The following SLC9C1 variants were observed in gnomAD, a reference collection of about 807,000 sequenced individuals.
The protein encoded by SLC9C1 is solute carrier family 9 member C1, also known as sodium/hydrogen exchanger 10.
SLC9C1 carries 97 observed loss-of-function variants against 140.9 expected under a neutral mutation model. The observed-to-expected ratio is 0.69, with a 90% CI of 0.58 to 0.82. The LOEUF (loss-of-function observed/expected upper bound fraction) is 0.82. SLC9C1 is among the 40% of genes least tolerant of loss of function. The pLI, the probability that SLC9C1 is intolerant of heterozygous loss-of-function variation, is 0.00. For missense variants in SLC9C1, 1,340 were observed against 1,389.3 expected, an observed-to-expected ratio of 0.96 and a Z score of 0.56; for synonymous variants, 440 against 442.6, an observed-to-expected ratio of 0.99 and a Z score of 0.07.
rs532285836 is a variant in SLC9C1 at position 112,217,937 on chromosome 3, A to C, written c.1671-376T>G. ...CTCATTAACTTGCTTGCTAATCTAC[A>C]AAATAAGGATAAAAATACCAATGTT... On this transcript the variant is annotated intron_variant, in intron 14 of 28. Coordinates refer to ENST00000305815, the MANE Select transcript of SLC9C1 (RefSeq NM_183061.3). 2.0e-5 allele frequency among the ~76,000 whole-genome samples: 3 copies of C among 152,342 alleles called. No homozygotes were observed. The South Asian group carries it at 6.2e-4, about 32-fold the overall frequency.
At chr3:112,190,706 A>G (rs2077640942) in intron 20 of SLC9C1, among the ~76,000 whole-genome samples, 3 of 151,788 alleles carry the variant, frequency 2.0e-5, no homozygotes, top group Non-Finnish European at 2.9e-5. Flanking sequence ...AATTTTGTTT[A>G]TATATCTGTG....
At chr3:112,198,766 T>G (rs2077828927) in intron 20 of SLC9C1, among the ~76,000 whole-genome samples, 1 of 152,014 alleles carries the variant, frequency 6.6e-6, no homozygotes, top group Non-Finnish European at 1.5e-5. Context: ...AGTTCACTAC[T>G]ATTATGCTAA....
chr3:112,252,738 C>T (rs1311580107), intron 10 of SLC9C1, among the ~76,000 whole-genome samples: 2 of 152,066 alleles, frequency 1.3e-5, no homozygotes, highest in Non-Finnish European at 2.9e-5. Context: ...TTTAGAGAGT[C>T]AAGGTGACCA....
chr3:112,157,748 A>G (rs2075168297), intron 26 of SLC9C1, among the ~76,000 whole-genome samples: 1 of 114,892 alleles, frequency 8.7e-6, no homozygotes, highest in Non-Finnish European at 1.9e-5. Flanking sequence ...TCTTAAGTTA[A>G]ATTTATTCCT....
chr3:112,157,013 G>GC (rs922203953), intron 26 of SLC9C1, among the ~76,000 whole-genome samples: 1 of 152,072 alleles, frequency 6.6e-6, no homozygotes, highest in Non-Finnish European at 1.5e-5. Context: ...TTGTGCAGAA[G>GC]CTTTTTAGCT....
At chr3:112,178,203 A>G (rs1315009274) in intron 23 of SLC9C1, among the ~76,000 whole-genome samples, 3 of 151,976 alleles carry the variant, frequency 2.0e-5, no homozygotes, top group African/African-American at 7.2e-5. Context: ...CAGTGGTGCA[A>G]TCATGACTGA....
chr3:112,188,129 C>G (rs1008449836), intron 20 of SLC9C1, among the ~76,000 whole-genome samples: 7 of 152,230 alleles, frequency 4.6e-5, no homozygotes, highest in African/African-American at 1.7e-4. Context: ...GACATATAGG[C>G]TGTTTATAAT....
Position 112,179,539 on chromosome 3 carries a change from C to T in SLC9C1, c.2911G>A (p.Val971Ile). 2 of 1,602,166 alleles carry T rather than the reference C, an allele frequency of 1.2e-6. No homozygotes were observed. The highest frequency in any genetic ancestry group is 2.3e-5 in the East Asian group (1 of 44,368). The change falls in exon 23 of 29, where the codon GTA becomes ATA. Residue 971 changes from valine to isoleucine, a missense_variant. Val to Ile is a conservative substitution (Grantham distance 29). Transcript: ENST00000305815. Reference protein sequence around the residue: ...PMKYSATCKTVVETCFIPKTH... With the variant: ...PMKYSATCKTIVETCFIPKTH... ...GGCGAAGTTTTTCTGACCTCCACTA[C>T]AGTTTTGCAGGTGGCAGAATATTTC...
intron 15 of SLC9C1, among the ~76,000 whole-genome samples, chr3:112,214,218 G>T (rs573086643): frequency 2.0e-5 from 3 of 152,292 alleles, no homozygotes; most frequent in Admixed American, 2.0e-4. Context: ...AGTGTGTAGA[G>T]GGAAATTTGT....
At chr3:112,265,122 AAGT>A (rs1241892844) in intron 8 of SLC9C1, among the ~76,000 whole-genome samples, 1 of 152,042 alleles carries the variant, frequency 6.6e-6, no homozygotes, top group Non-Finnish European at 1.5e-5. Context: ...TCTTTTAAGG[AAGT>A]AGGAGATAGA....
chr3:112,177,618 G>A (rs1366264729), intron 23 of SLC9C1, among the ~76,000 whole-genome samples: 1 of 147,594 alleles, frequency 6.8e-6, no homozygotes, highest in Admixed American at 6.9e-5. Context: ...CTTACCTTGT[G>A]AGTTTCTCAT....
At chr3:112,272,094 G>T (rs13059342) in intron 6 of SLC9C1, among the ~76,000 whole-genome samples, 45,014 of 152,006 alleles carry the variant, frequency 0.3, 7,233 homozygotes, top group East Asian at 0.43. Context: ...AACTACACAT[G>T]CCTCTAGGCC....
chr3:112,200,872 T>G, intron 18 of SLC9C1, 110 bp from the exon 19 acceptor site: 1 of 969,096 alleles, frequency 1.0e-6, no homozygotes, highest in East Asian at 2.6e-5. Context: ...TTAAGAGAAG[T>G]AGGATGAAGA....
At chr3:112,187,905 T>C (rs1433102866) in intron 20 of SLC9C1, among the ~76,000 whole-genome samples, 2 of 151,994 alleles carry the variant, frequency 1.3e-5, no homozygotes, top group Non-Finnish European at 2.9e-5. Context: ...ACAGGTTACT[T>C]TTTTCCTACT....
At chr3:112,163,566 A>T (rs199525799) in intron 26 of SLC9C1, among the ~76,000 whole-genome samples, 4 of 151,888 alleles carry the variant, frequency 2.6e-5, no homozygotes, top group African/African-American at 9.7e-5. Flanking sequence ...TTCAGTTTCC[A>T]TATAGTTGAG....
At chr3:112,293,029 G>A (rs905479818) in intron 1 of SLC9C1, among the ~76,000 whole-genome samples, 13 of 151,024 alleles carry the variant, frequency 8.6e-5, no homozygotes, top group Non-Finnish European at 4.4e-5. Flanking sequence ...AGCACTTTGG[G>A]AGGCCTAGGC....
chr3:112,252,137 A>G, intron 10 of SLC9C1, among the ~76,000 whole-genome samples: 1 of 148,054 alleles, frequency 6.8e-6, no homozygotes, highest in Non-Finnish European at 1.5e-5. Flanking sequence ...TGTGGGAGGG[A>G]TGGGCCACCA....
intron 22 of SLC9C1, among the ~76,000 whole-genome samples, 197 bp downstream of exon 22, chr3:112,180,367 C>G (rs1001353375): frequency 1.3e-5 from 2 of 151,884 alleles, no homozygotes; most frequent in South Asian, 2.1e-4. Flanking sequence ...ACTAAAAATA[C>G]AAAAAATTAC....
chr3:112,204,658 A>G (rs1224400734), intron 16 of SLC9C1, among the ~76,000 whole-genome samples: 1 of 152,116 alleles, frequency 6.6e-6, no homozygotes, highest in East Asian at 1.9e-4. Context: ...ATATAATGAC[A>G]CCAGTAAAAA....
Sources: gnomAD v4.1 joint callset for allele counts (sites outside exome capture counted in the v4.1 genomes callset) on GRCh38, gnomAD v4.1.1 for gene constraint, MANE v1.5 for transcripts, NCBI Gene and HGNC (gene_info 2026-07-23, HGNC 2026-07-21) for gene names.